Variants in DUSP8 observed in about 807,000 individuals in gnomAD.
DUSP8 encodes dual specificity protein phosphatase 8.
In DUSP8, 15 loss-of-function variants were observed where a neutral mutation model predicts 38.7. The ratio of observed to expected loss-of-function variants is 0.39; its 90% CI spans 0.26 to 0.60. The LOEUF (loss-of-function observed/expected upper bound fraction) is 0.60, where lower values mean the gene tolerates loss of function less well. Ranked by LOEUF, DUSP8 falls within the 20% of genes least tolerant of loss-of-function variation. DUSP8 has a pLI of 0.56. For missense variants in DUSP8, 768 were observed against 915.0 expected (o/e 0.84, Z 2.07); for synonymous variants, 458 against 433.9 (o/e 1.06, Z -0.69).
chr11:1,556,814 G>T lies in DUSP8; in HGVS notation c.1582C>A (p.Pro528Thr). 8.6e-7 allele frequency: 1 copy of T among 1,166,668 alleles called. No homozygotes were observed. Among genetic ancestry groups the T allele is most frequent in the Middle Eastern group, 3.5e-4 (1 of 2,852 alleles). 72.3% of individuals were successfully genotyped at this position (1,166,668 alleles called of 1,614,324 possible). A position where few individuals can be genotyped will look rare whatever the true frequency, so the allele number is the denominator to read the frequency against. ...PSPDGPWCFS[P>T]EGAQGAGGVL... ...CCGCCCGCCCCCTGTGCGCCCTCGG[G>T]GCTGAAGCACCAGGGCCCGTCGGGC... The change falls in exon 7 of 7, where the codon CCC becomes ACC. Residue 528 changes from proline to threonine, a missense_variant. Transcript: ENST00000397374. The surrounding 1 kb of genome is among the most constrained non-coding windows in gnomAD (Gnocchi z 5.2).
At chr11:1,572,435 G>GC (rs1231471190), upstream of DUSP8, among the ~76,000 whole-genome samples, 4 of 149,990 alleles carry the variant, frequency 2.7e-5, no homozygotes, top group Non-Finnish European at 6.0e-5. The surrounding 1 kb of genome is among the most constrained non-coding windows in gnomAD (Gnocchi z 4.7). Flanking sequence ...GCCGCGGGGG[G>GC]GGGGCGGGGT....
chr11:1,556,915 G>A lies in DUSP8; in HGVS notation c.1481C>T (p.Pro494Leu). Residue 494 changes from proline (P) to leucine (L), a missense_variant, in exon 7 of 7, where the codon CCC (proline) becomes CTC (leucine). Physicochemically the swap from Pro to Leu is moderately conservative, Grantham distance 98 (BLOSUM62 -3). Coordinates refer to ENST00000397374, the MANE Select transcript of DUSP8 (RefSeq NM_004420.3). This position sits in a 1 kb window ranked among gnomAD's most constrained non-coding sequence, Gnocchi z 5.2. Reference sequence around the variant, plus strand: ...CGGCTGGCCAGGGCCGGGCAGCCCGGGCGCCGACAGGGCCGAGAGGCCGTG... The same window carrying A: ...CGGCTGGCCAGGGCCGGGCAGCCCGAGCGCCGACAGGGCCGAGAGGCCGTG... ...PRHGLSALSA[P>L]GLPGPGQPAG... 3 of 1,079,640 alleles carry A rather than the reference G, an allele frequency of 2.8e-6. No homozygotes were observed. The highest frequency in any genetic ancestry group is 5.4e-5 in the Admixed American group (1 of 18,422). 66.9% of individuals were successfully genotyped at this position (1,079,640 alleles called of 1,614,324 possible). A position where few individuals can be genotyped will look rare whatever the true frequency, so the allele number is the denominator to read the frequency against.
chr11:1,554,885 G>C lies in DUSP8; in HGVS notation c.*1633C>G. 1.1e-6 allele frequency: 1 copy of C among 941,754 alleles called. No homozygotes were observed. 58.3% of individuals were successfully genotyped at this position (941,754 alleles called of 1,614,324 possible). ...ATAGCTTATTTTCTTGGGGGAACAG[G>C]AGTGGGTGGGGACAGAGGGAACGGG... is the stretch of plus-strand genomic sequence containing the variant. On this transcript the variant is annotated 3_prime_UTR_variant, in exon 7 of 7. Coordinates refer to ENST00000397374, the MANE Select transcript of DUSP8 (RefSeq NM_004420.3).
intron 1 of DUSP8, among the ~76,000 whole-genome samples, chr11:1,567,902 A>G (rs7933575): frequency 0.79 from 120,021 of 152,180 alleles, 47,865 homozygotes; most frequent in African/African-American, 0.85. Flanking sequence ...GTCCCTGACT[A>G]CCCACAGGGG....
rs535199863 is a variant in DUSP8, at chr11:1,558,674, G to A, written c.537+215C>T. On this transcript the variant is annotated intron_variant, in intron 4 of 6. Coordinates refer to ENST00000397374, the MANE Select transcript of DUSP8 (RefSeq NM_004420.3). This position sits in a 1 kb window ranked among gnomAD's most constrained non-coding sequence, Gnocchi z 6.3. ...GCTCCCCGCTCCTCCCCCGAGCCCT[G>A]CCGGGCCCTCCCGCAAGCCCTGCTG... is the stretch of plus-strand genomic sequence containing the variant. Among the ~76,000 whole-genome samples the A allele has an allele frequency of 6.6e-6, 1 of 152,222 alleles. No homozygotes were observed. Among genetic ancestry groups the A allele is most frequent in the Admixed American group, 6.5e-5 (1 of 15,300 alleles).
chr11:1,559,056 C>G lies in DUSP8; in HGVS notation c.371-1G>C. ...CAGGAGGAGAAGGTGGCGAAGCCCCCTGTAGGAGGAGGGCCGTCAAGTGGG... is the reference window on the plus strand; with the variant it reads ...CAGGAGGAGAAGGTGGCGAAGCCCCGTGTAGGAGGAGGGCCGTCAAGTGGG... On this transcript the variant is annotated splice_acceptor_variant, in intron 3 of 6. Coordinates refer to ENST00000397374, the MANE Select transcript of DUSP8 (RefSeq NM_004420.3). LOFTEE classifies it high-confidence loss of function. 1 of 1,608,918 alleles carries G rather than the reference C, an allele frequency of 6.2e-7. No individual in the cohort carries two copies. Among genetic ancestry groups the G allele is most frequent in the Non-Finnish European group, 8.5e-7 (1 of 1,179,142 alleles).
chr11:1,556,242 C>A lies in DUSP8; in HGVS notation c.*276G>T. 1 of 356,004 alleles carries A rather than the reference C, an allele frequency of 2.8e-6. No individual in the cohort carries two copies. Among genetic ancestry groups the A allele is most frequent in the Non-Finnish European group, 4.8e-6 (1 of 207,890 alleles). The allele number at this position is 356,004 out of a possible 1,614,324, so 22.1% of individuals were successfully genotyped here. ...TGGGGCGGGGGAACTGGGAGGGGCCCCAGGCCTGGCACCCAGCTTGCGACT... is the reference window on the plus strand; with the variant it reads ...TGGGGCGGGGGAACTGGGAGGGGCCACAGGCCTGGCACCCAGCTTGCGACT... On this transcript the variant is annotated 3_prime_UTR_variant, in exon 7 of 7. Transcript: ENST00000397374. The surrounding 1 kb of genome is among the most constrained non-coding windows in gnomAD (Gnocchi z 5.2).
intron 3 of DUSP8, among the ~76,000 whole-genome samples, chr11:1,562,090 G>A (rs1254888908): frequency 6.6e-6 from 1 of 152,162 alleles, no homozygotes; most frequent in Non-Finnish European, 1.5e-5. Flanking sequence ...TGCCCTCCTG[G>A]CAAATCCTAG....
At position 1,557,692 on chromosome 11, in the gene DUSP8, G is replaced by GC; in HGVS notation, c.821+101dup. On this transcript the variant is annotated intron_variant, in intron 6 of 6. Coordinates refer to ENST00000397374, the MANE Select transcript of DUSP8 (RefSeq NM_004420.3). The surrounding 1 kb of genome is among the most constrained non-coding windows in gnomAD (Gnocchi z 9.9). ...GGCTGGTCTCAGGCCCTCCTCCCTT[G>GC]CCACGGGTCCTGGACGGTGGGGTCA... is the stretch of plus-strand genomic sequence containing the variant. 1 of 1,574,176 alleles carries GC rather than the reference G, an allele frequency of 6.4e-7. No homozygotes were observed. The highest frequency in any genetic ancestry group is 8.6e-7 in the Non-Finnish European group (1 of 1,158,698).
chr11:1,558,818 G>T lies in DUSP8; in HGVS notation c.537+71C>A, dbSNP rs893349664. 8 of 1,510,942 alleles carry T rather than the reference G, an allele frequency of 5.3e-6. No homozygotes were observed. Among genetic ancestry groups the T allele is most frequent in the Non-Finnish European group, 7.1e-6 (8 of 1,120,124 alleles). The allele number at this position is 1,510,942 out of a possible 1,614,324, so 93.6% of individuals were successfully genotyped here. On this transcript the variant is annotated intron_variant, in intron 4 of 6. Transcript: ENST00000397374. This position sits in a 1 kb window ranked among gnomAD's most constrained non-coding sequence, Gnocchi z 6.3. The stretch of plus-strand genomic sequence containing the variant: ...CCTTTCCTCCCTCATCCCCCGCTCC[G>T]CTGCCAAGCTGCTTCTGGAGCTCCT...
chr11:1,568,664 C>T (rs776208198), intron 1 of DUSP8, among the ~76,000 whole-genome samples: 1 of 152,164 alleles, frequency 6.6e-6, no homozygotes, highest in African/African-American at 2.4e-5. Flanking sequence ...AGTGCAGAGC[C>T]CAGTCCTCAG....
intron 2 of DUSP8, among the ~76,000 whole-genome samples, chr11:1,565,333 G>A (rs1656219345): frequency 6.6e-6 from 1 of 152,196 alleles, no homozygotes. Flanking sequence ...CGGCACCTCT[G>A]TGCAGAAGCT....
At position 1,556,739 on chromosome 11, in the gene DUSP8, C is replaced by G; in HGVS notation, c.1657G>C (p.Gly553Arg). ...GRAGAPGPGGGSDLRRREAAR... is the reference protein window; with the variant it reads ...GRAGAPGPGGRSDLRRREAAR... ...GCCTCCCGCCGCCGCAGGTCGCTGC[C>G]GCCGCCTGGTCCCGGGGCGCCCGCC... Residue 553 changes from glycine to arginine, a missense_variant, in exon 7 of 7, where the codon GGC (glycine) becomes CGC (arginine). Transcript: ENST00000397374. The surrounding 1 kb of genome is among the most constrained non-coding windows in gnomAD (Gnocchi z 5.2). The G allele has an allele frequency of 8.2e-7, 1 of 1,224,734 alleles. No homozygotes were observed. Among genetic ancestry groups the G allele is most frequent in the Non-Finnish European group, 1.0e-6 (1 of 983,158 alleles). 75.9% of individuals were successfully genotyped at this position (1,224,734 alleles called of 1,614,324 possible).
Position 1,556,498 on chromosome 11 carries a change from G to C in DUSP8, c.*20C>G. The C allele has an allele frequency of 1.6e-6, 2 of 1,233,502 alleles. No individual in the cohort carries two copies. The highest frequency in any genetic ancestry group is 7.9e-5 in the South Asian group (2 of 25,438). The allele number at this position is 1,233,502 out of a possible 1,614,324, so 76.4% of individuals were successfully genotyped here. A position where few individuals can be genotyped will look rare whatever the true frequency, so the allele number is the denominator to read the frequency against. ...TAACGGGCCTGGCTGCGGGCGGCGG[G>C]GCCGAGGGCAGCGGAGGGGTCAGGA... On this transcript the variant is annotated 3_prime_UTR_variant, in exon 7 of 7. Transcript: ENST00000397374. This position sits in a 1 kb window ranked among gnomAD's most constrained non-coding sequence, Gnocchi z 5.2.
Position 1,558,032 on chromosome 11 carries a change from A to T in DUSP8, c.697+80T>A, listed in dbSNP as rs1215005625. 1.9e-6 allele frequency: 3 copies of T among 1,610,040 alleles called. No individual in the cohort carries two copies. Among genetic ancestry groups the T allele is most frequent in the Non-Finnish European group, 2.5e-6 (3 of 1,178,402 alleles). On this transcript the variant is annotated intron_variant, in intron 5 of 6. Coordinates refer to ENST00000397374, the MANE Select transcript of DUSP8 (RefSeq NM_004420.3). This position sits in a 1 kb window ranked among gnomAD's most constrained non-coding sequence, Gnocchi z 6.3. ...CAACAGTTCCGGCTACTTCCTGGGG[A>T]CCCCTCCTGTGTCTGTGGCCACACA...
At position 1,554,370 on chromosome 11, in the gene DUSP8, C is replaced by T. The variant is rs1397476119; in HGVS notation, c.*2148G>A. The T allele has an allele frequency of 1.3e-5, 2 of 149,378 alleles. No homozygotes were observed. Among genetic ancestry groups the T allele is most frequent in the East Asian group, 2.0e-4 (1 of 5,070 alleles). 9.3% of individuals were successfully genotyped at this position (149,378 alleles called of 1,614,324 possible). A position where few individuals can be genotyped will look rare whatever the true frequency, so the allele number is the denominator to read the frequency against. The stretch of plus-strand genomic sequence containing the variant: ...AAAGCCACCAGGTGGGGCCCTGGCC[C>T]GCCTCCCGCAGCACTGGAGGAGGCA... On this transcript the variant is annotated 3_prime_UTR_variant, in exon 7 of 7. Coordinates refer to ENST00000397374, the MANE Select transcript of DUSP8 (RefSeq NM_004420.3).
At position 1,554,816 on chromosome 11, in the gene DUSP8, T is replaced by C. The variant is rs1019658391; in HGVS notation, c.*1702A>G. On this transcript the variant is annotated 3_prime_UTR_variant, in exon 7 of 7. Coordinates refer to ENST00000397374, the MANE Select transcript of DUSP8 (RefSeq NM_004420.3). ...ATAATTAATAATAATTAACCAATAA[T>C]AATAAATACTTAAACCTCTAATCCA... 14 of 566,802 alleles carry C rather than the reference T, an allele frequency of 2.5e-5. No individual in the cohort carries two copies. Among genetic ancestry groups the C allele is most frequent in the African/African-American group, 4.1e-5 (2 of 48,994 alleles). The allele number at this position is 566,802 out of a possible 1,614,324, so 35.1% of individuals were successfully genotyped here.
chr11:1,565,617 G>C lies in DUSP8; in HGVS notation c.210C>G (p.Ile70Met). Residue 70 changes from isoleucine to methionine, a missense_variant, in exon 2 of 7, where the codon ATC becomes ATG. Physicochemically the swap from Ile to Met is conservative, Grantham distance 10 (BLOSUM62 1). Coordinates refer to ENST00000397374, the MANE Select transcript of DUSP8 (RefSeq NM_004420.3). ...QQGKVTIAEL[I>M]QPAARSQVEA... The stretch of plus-strand genomic sequence containing the variant: ...GTACCTGGCTGCGTGCAGCCGGCTG[G>C]ATGAGCTCCGCAATGGTCACCTTGC... 6.2e-7 allele frequency: 1 copy of C among 1,606,372 alleles called. No individual in the cohort carries two copies. Among genetic ancestry groups the C allele is most frequent in the South Asian group, 1.1e-5 (1 of 90,958 alleles).
At chr11:1,563,101 C>A (rs2133440831) in intron 3 of DUSP8, among the ~76,000 whole-genome samples, 1 of 152,270 alleles carries the variant, frequency 6.6e-6, no homozygotes, top group Admixed American at 6.5e-5. Context: ...CCCATATCCT[C>A]TGCTTGCCTG....
Sources: gnomAD v4.1 joint callset for allele counts (sites outside exome capture counted in the v4.1 genomes callset) on GRCh38, gnomAD v4.1.1 for gene constraint, Gnocchi (gnomAD v3.1) non-coding constraint, MANE v1.5 for transcripts, NCBI Gene and HGNC (gene_info 2026-07-23, HGNC 2026-07-21) for gene names.